Variants in MAVS observed in about 807,000 individuals in gnomAD.
MAVS encodes mitochondrial antiviral signaling protein.
In MAVS, 20 loss-of-function variants were observed where a neutral mutation model predicts 30.2. The ratio of observed to expected loss-of-function variants is 0.66; its 90% CI spans 0.47 to 0.96. The LOEUF is 0.96. Ranked by LOEUF, MAVS falls within the 40% of genes least tolerant of loss-of-function variation. The pLI is 0.00. For missense variants in MAVS, 624 were observed against 701.1 expected (o/e 0.89, Z 1.24); for synonymous variants, 278 against 293.9 (o/e 0.95, Z 0.55).
At position 3,865,550 on chromosome 20, in the gene MAVS, C is replaced by T; in HGVS notation, c.1159-133C>T. 1.2e-6 allele frequency: 1 copy of T among 839,958 alleles called. No individual in the cohort carries two copies. The highest frequency in any genetic ancestry group is 1.8e-5 in the South Asian group (1 of 55,266). 52.0% of individuals were successfully genotyped at this position (839,958 alleles called of 1,614,324 possible). A position where few individuals can be genotyped will look rare whatever the true frequency, so the allele number is the denominator to read the frequency against. On this transcript the variant is annotated intron_variant, in intron 6 of 6. Coordinates refer to ENST00000428216, the MANE Select transcript of MAVS (RefSeq NM_020746.5). This position sits in a 1 kb window ranked among gnomAD's most constrained non-coding sequence, Gnocchi z 4.7. ...CCCCACTGCTCCAAGAAAAGGTGGC[C>T]TAGGGGCATTATAGATTGGGAATTG...
At chr20:3,855,173 G>A (rs1034362011) in intron 2 of MAVS, among the ~76,000 whole-genome samples, 7 of 152,082 alleles carry the variant, frequency 4.6e-5, no homozygotes, top group Non-Finnish European at 7.4e-5. Context: ...ACAGGCGTGA[G>A]CCACCGCACC....
intron 1 of MAVS, among the ~76,000 whole-genome samples, chr20:3,847,598 A>G (rs916678717): frequency 6.6e-6 from 1 of 152,166 alleles, no homozygotes; most frequent in African/African-American, 2.4e-5. Flanking sequence ...TGAAGCCTCA[A>G]AAATATCTAG....
chr20:3,864,704 G>A lies in MAVS; in HGVS notation c.1074G>A (p.Met358Ile). 1 of 1,614,236 alleles carries A rather than the reference G, an allele frequency of 6.2e-7. No individual in the cohort carries two copies. Among genetic ancestry groups the A allele is most frequent in the Non-Finnish European group, 8.5e-7 (1 of 1,180,050 alleles). ...KLPINSTRAG[M>I]VPSKVPTSMV... ...CCATCAACTCAACCCGTGCTGGCAT[G>A]GTGCCATCCAAAGTGCCTACTAGCA... Residue 358 changes from methionine to isoleucine, a missense_variant, in exon 6 of 7, where the codon ATG becomes ATA. By Grantham distance (10) the Met-to-Ile change is conservative. Transcript: ENST00000428216.
intron 4 of MAVS, 69 bp downstream of exon 4, chr20:3,861,573 C>G (rs1010840728): frequency 4.2e-5 from 64 of 1,519,106 alleles, no homozygotes; most frequent in Non-Finnish European, 5.5e-5. Flanking sequence ...GCCCATTGAG[C>G]CTTCCAGAAA....
chr20:3,874,478 C>G lies in MAVS; in HGVS notation c.*8331C>G. ...GTATTTGGCAGGGGTCAAAGGCAGGCAGGGACTGTGAAATGTTATAGTGGA... is the reference window on the plus strand; with the variant it reads ...GTATTTGGCAGGGGTCAAAGGCAGGGAGGGACTGTGAAATGTTATAGTGGA... On this transcript the variant is annotated 3_prime_UTR_variant, in exon 7 of 7. Transcript: ENST00000428216. 5.5e-6 allele frequency: 2 copies of G among 362,330 alleles called. No homozygotes were observed. Among genetic ancestry groups the G allele is most frequent in the Non-Finnish European group, 4.9e-6 (1 of 203,020 alleles). The allele number at this position is 362,330 out of a possible 1,614,324, so 22.4% of individuals were successfully genotyped here.
rs142876389 is a variant in MAVS, at chr20:3,848,383, G to T, written c.-68+1480G>T. Reference sequence around the variant, plus strand: ...CAAAGTGCTGGGATTCCAGGCGTGAGCCACCGCGCCCGGCCGAGAAAGGGA... The same window carrying T: ...CAAAGTGCTGGGATTCCAGGCGTGATCCACCGCGCCCGGCCGAGAAAGGGA... On this transcript the variant is annotated intron_variant, in intron 1 of 6. Coordinates refer to ENST00000428216, the MANE Select transcript of MAVS (RefSeq NM_020746.5). 2.2e-3 allele frequency among the ~76,000 whole-genome samples: 335 copies of T among 152,276 alleles called. 2 individuals are homozygous for T. The highest frequency in any genetic ancestry group is 5.0e-3 in the African/African-American group (209 of 41,546).
intron 1 of MAVS, among the ~76,000 whole-genome samples, chr20:3,850,669 G>A (rs2089752342): frequency 6.7e-6 from 1 of 150,218 alleles, no homozygotes; most frequent in Non-Finnish European, 1.5e-5. Context: ...GGCGGATCAC[G>A]AGTTCAGGAG....
chr20:3,855,998 T>C (rs2089806425), intron 2 of MAVS, among the ~76,000 whole-genome samples: 1 of 151,414 alleles, frequency 6.6e-6, no homozygotes, highest in Admixed American at 6.6e-5. Flanking sequence ...GGCTGGTCTT[T>C]ATTTTTATTT....
intron 3 of MAVS, among the ~76,000 whole-genome samples, chr20:3,858,875 C>G (rs1240593938): frequency 6.6e-6 from 1 of 151,506 alleles, no homozygotes; most frequent in Admixed American, 6.6e-5. Context: ...TCATAGCTCA[C>G]TGCAGCCTTG....
At position 3,849,494 on chromosome 20, in the gene MAVS, G is replaced by A. The variant is rs574261266; in HGVS notation, c.-68+2591G>A. ...TGCTGGGATTATAGGCGTGAGTCAC[G>A]CAGCCAGCCATCCCTAGCTTTCTTG... is the stretch of plus-strand genomic sequence containing the variant. On this transcript the variant is annotated intron_variant, in intron 1 of 6. Coordinates refer to ENST00000428216, the MANE Select transcript of MAVS (RefSeq NM_020746.5). 4.3e-4 allele frequency among the ~76,000 whole-genome samples: 65 copies of A among 152,206 alleles called. 1 individual carries two copies. The highest frequency in any genetic ancestry group is 1.3e-3 in the African/African-American group (55 of 41,546).
chr20:3,858,495 C>G (rs1193924008), intron 3 of MAVS, among the ~76,000 whole-genome samples: 1 of 151,814 alleles, frequency 6.6e-6, no homozygotes, highest in Non-Finnish European at 1.5e-5. Flanking sequence ...CTGGCTAAAA[C>G]AGTGAAACCC....
At position 3,874,215 on chromosome 20, in the gene MAVS, G is replaced by C; in HGVS notation, c.*8068G>C. On this transcript the variant is annotated 3_prime_UTR_variant, in exon 7 of 7. Transcript: ENST00000428216. ...TTGTATGATTCTCTTCCTACAAAAA[G>C]TACAGAAATAAGCAAAACTGATCCA... 1 of 398,562 alleles carries C rather than the reference G, an allele frequency of 2.5e-6. No homozygotes were observed. The highest frequency in any genetic ancestry group is 4.4e-5 in the Admixed American group (1 of 22,708). 24.7% of individuals were successfully genotyped at this position (398,562 alleles called of 1,614,324 possible).
chr20:3,861,142 G>A (rs6133068), intron 3 of MAVS, among the ~76,000 whole-genome samples, 190 bp from the exon 4 acceptor site: 14,535 of 151,974 alleles, frequency 0.096, 859 homozygotes, highest in East Asian at 0.22. Context: ...ACAGGGGCCC[G>A]CCACCATGCC....
At position 3,867,251 on chromosome 20, in the gene MAVS, T is replaced by C; in HGVS notation, c.*1104T>C. On this transcript the variant is annotated 3_prime_UTR_variant, in exon 7 of 7. Transcript: ENST00000428216. ...GATTTATCTGTCTGTCCCTTAGTTT[T>C]CTCACCTGTAAAAGGAGGATAAGTA... 2.8e-6 allele frequency: 1 copy of C among 358,454 alleles called. No individual in the cohort carries two copies. The allele number at this position is 358,454 out of a possible 1,614,324, so 22.2% of individuals were successfully genotyped here. A position where few individuals can be genotyped will look rare whatever the true frequency, so the allele number is the denominator to read the frequency against.
intron 1 of MAVS, among the ~76,000 whole-genome samples, chr20:3,848,894 C>A (rs1418363002): frequency 1.3e-5 from 2 of 152,118 alleles, no homozygotes; most frequent in Non-Finnish European, 2.9e-5. Context: ...CTCCTACACC[C>A]TCAAAACACC....
At position 3,853,914 on chromosome 20, in the gene MAVS, A is replaced by C. The variant is rs573120755; in HGVS notation, c.-67-644A>C. ...GCAATTCTCCTGCCTCAACCTCCCG[A>C]GTAGCTGGGATTACAGGCATGCGCC... On this transcript the variant is annotated intron_variant, in intron 1 of 6. Coordinates refer to ENST00000428216, the MANE Select transcript of MAVS (RefSeq NM_020746.5). Among the ~76,000 whole-genome samples the C allele has an allele frequency of 6.0e-5, 9 of 151,058 alleles. 1 individual carries two copies. Among genetic ancestry groups the C allele is most frequent in the Non-Finnish European group, 1.3e-4 (9 of 67,856 alleles).
At position 3,865,476 on chromosome 20, in the gene MAVS, G is replaced by T; in HGVS notation, c.1159-207G>T. ...CAGGCAGGCCAGGGAGTAGGGAAAGGCTGCCCTGGAGGAGGCCACCATTGG... is the reference window on the plus strand; with the variant it reads ...CAGGCAGGCCAGGGAGTAGGGAAAGTCTGCCCTGGAGGAGGCCACCATTGG... On this transcript the variant is annotated intron_variant, in intron 6 of 6. Coordinates refer to ENST00000428216, the MANE Select transcript of MAVS (RefSeq NM_020746.5). This position sits in a 1 kb window ranked among gnomAD's most constrained non-coding sequence, Gnocchi z 4.7. 6.6e-6 allele frequency among the ~76,000 whole-genome samples: 1 copy of T among 152,104 alleles called. No homozygotes were observed. Among genetic ancestry groups the T allele is most frequent in the Non-Finnish European group, 1.5e-5 (1 of 68,002 alleles).
rs183893147 is a variant in MAVS, at chr20:3,858,511, C to T, written c.292+702C>T. On this transcript the variant is annotated intron_variant, in intron 3 of 6. Coordinates refer to ENST00000428216, the MANE Select transcript of MAVS (RefSeq NM_020746.5). ...TGGCTAAAACAGTGAAACCCCGTCT[C>T]TACTAAAAATACAGAAAATTAGCCG... 5.3e-3 allele frequency among the ~76,000 whole-genome samples: 813 copies of T among 152,014 alleles called. 6 individuals carry two copies. The highest frequency in any genetic ancestry group is 9.2e-3 in the Non-Finnish European group (625 of 67,980).
intron 4 of MAVS, among the ~76,000 whole-genome samples, chr20:3,861,731 G>C (rs1050791997): frequency 6.6e-6 from 1 of 150,548 alleles, no homozygotes; most frequent in African/African-American, 2.5e-5. Flanking sequence ...AACCAGCTGG[G>C]AGACCACAGT....
Sources: allele counts gnomAD v4.1 joint callset (sites outside exome capture counted in the v4.1 genomes callset), GRCh38; gene constraint gnomAD v4.1.1; non-coding constraint Gnocchi (gnomAD v3.1); transcripts MANE v1.5; gene names NCBI Gene and HGNC (gene_info 2026-07-23, HGNC 2026-07-21).